Variants in PGLS observed in about 807,000 individuals in gnomAD.
PGLS encodes 6-phosphogluconolactonase, also known as epididymis secretory protein Li 304.
Under a neutral mutation model 23.2 loss-of-function variants are expected in PGLS, and 21 were observed. That is an observed-to-expected ratio of 0.91 (90% CI 0.64 to 1.31). The LOEUF is 1.31. Ranked by LOEUF, PGLS falls within the 50% of genes most tolerant of loss-of-function variation. PGLS has a pLI of 0.00. For missense variants in PGLS, 410 were observed against 354.0 expected (o/e 1.16, Z -1.27); for synonymous variants, 179 against 165.4 (o/e 1.08, Z -0.63).
rs2075531763 is a variant in PGLS at position 17,516,245 on chromosome 19, G to T, written c.361G>T (p.Glu121Ter). The change falls in exon 2 of 5, where the codon GAG becomes TAG. Residue 121 changes from glutamate (E) to a stop codon, truncating the protein, a stop_gained. Coordinates refer to ENST00000252603, the MANE Select transcript of PGLS (RefSeq NM_012088.3). LOFTEE classifies it high-confidence loss of function. ...CATTAACCCCGAGCTGCCTGTGGAG[G>T]AGGCGGCTGAGGACTACGCCAAGAA... ...ITINPELPVEEAAEDYAKKLR... is the reference protein window; with the variant it reads ...ITINPELPVE The T allele has an allele frequency of 6.2e-7, 1 of 1,613,908 alleles. No homozygotes were observed. The highest frequency in any genetic ancestry group is 1.3e-5 in the African/African-American group (1 of 74,934).
Position 17,517,744 on chromosome 19 carries a change from C to A in PGLS, c.533C>A (p.Ser178Tyr). 11 of 1,614,122 alleles carry A rather than the reference C, an allele frequency of 6.8e-6. No homozygotes were observed. Among genetic ancestry groups the A allele is most frequent in the Non-Finnish European group, 9.3e-6 (11 of 1,180,004 alleles). The change falls in exon 4 of 5, where the codon TCC becomes TAC. Residue 178 changes from serine (S) to tyrosine (Y), a missense_variant. Coordinates refer to ENST00000252603, the MANE Select transcript of PGLS (RefSeq NM_012088.3). ...REKIVAPISD[S>Y]PKPPPQRVTL... The stretch of plus-strand genomic sequence containing the variant: ...AAGATTGTGGCTCCCATCAGTGACT[C>A]CCCGAAGCCACCGCCACAGCGTGTG...
chr19:17,518,772 C>G (rs2075544860), intron 4 of PGLS: 1 of 151,990 alleles, frequency 6.6e-6, no homozygotes, highest in African/African-American at 2.4e-5. Flanking sequence ...CTCATGTGAT[C>G]CACCTGCCTT....
In PGLS at chr19:17,521,165, C is replaced by A; in HGVS notation, c.*84C>A. The A allele has an allele frequency of 1.4e-6, 2 of 1,390,772 alleles. No individual in the cohort carries two copies. The highest frequency in any genetic ancestry group is 1.9e-6 in the Non-Finnish European group (2 of 1,048,376). The allele number at this position is 1,390,772 out of a possible 1,614,324, so 86.2% of individuals were successfully genotyped here. ...GCTGGCCGCCACTCTCCGGGCTCTC[C>A]TTTCAAAAAGCCACGTCGTGCTGCT... On this transcript the variant is annotated 3_prime_UTR_variant, in exon 5 of 5. Transcript: ENST00000252603.
In PGLS at chr19:17,511,780, G is replaced by T; in HGVS notation, c.108G>T (p.Gly36=). 1 of 1,497,502 alleles carries T rather than the reference G, an allele frequency of 6.7e-7. No homozygotes were observed. Among genetic ancestry groups the T allele is most frequent in the Non-Finnish European group, 8.8e-7 (1 of 1,130,130 alleles). The allele number at this position is 1,497,502 out of a possible 1,614,324, so 92.8% of individuals were successfully genotyped here. Residue 36 remains glycine (G), a synonymous_variant, in exon 1 of 5, where the codon GGG becomes GGT. Transcript: ENST00000252603. ...VAQRAACCLA[G]ARARFALGLS... is the part of the protein sequence containing the mutation. ...AGCGCGCAGCATGCTGCCTGGCAGG[G>T]GCCCGCGCCCGTTTCGCGCTCGGCC... is the stretch of plus-strand genomic sequence containing the variant.
chr19:17,520,847 A>G, intron 4 of PGLS, 97 bp from the exon 5 acceptor site: 11 of 1,345,320 alleles, frequency 8.2e-6, no homozygotes, highest in Non-Finnish European at 1.1e-5. Context: ...TTGAGGATAC[A>G]AGAGTCTTAT....
chr19:17,518,597 C>T (rs1055222938), intron 4 of PGLS: 1 of 151,982 alleles, frequency 6.6e-6, no homozygotes, highest in Admixed American at 6.6e-5. Flanking sequence ...CTGATGTGAC[C>T]TCAGCTCGCT....
Position 17,521,174 on chromosome 19 carries a change from A to G in PGLS, c.*93A>G. Reference sequence around the variant, plus strand: ...CACTCTCCGGGCTCTCCTTTCAAAAAGCCACGTCGTGCTGCTGCTGGAAGC... The same window carrying G: ...CACTCTCCGGGCTCTCCTTTCAAAAGGCCACGTCGTGCTGCTGCTGGAAGC... On this transcript the variant is annotated 3_prime_UTR_variant, in exon 5 of 5. Coordinates refer to ENST00000252603, the MANE Select transcript of PGLS (RefSeq NM_012088.3). 7.6e-7 allele frequency: 1 copy of G among 1,321,780 alleles called. No homozygotes were observed. Among genetic ancestry groups the G allele is most frequent in the Non-Finnish European group, 1.0e-6 (1 of 988,900 alleles). 81.9% of individuals were successfully genotyped at this position (1,321,780 alleles called of 1,614,324 possible).
intron 1 of PGLS, 196 bp from the exon 2 acceptor site, chr19:17,515,977 C>T: frequency 2.0e-6 from 1 of 498,034 alleles, no homozygotes; most frequent in Non-Finnish European, 3.8e-6. Flanking sequence ...AGGATCCTGG[C>T]TTCCAGCATT....
rs759386585 is a variant in PGLS, at chr19:17,521,046, C to T, written c.742C>T (p.Leu248=). 2.5e-6 allele frequency: 4 copies of T among 1,603,216 alleles called. No homozygotes were observed. Among genetic ancestry groups the T allele is most frequent in the African/African-American group, 1.3e-5 (1 of 74,712 alleles). ...WFLDEAAARL[L]TVPFEKHSTL ...CTTGGACGAGGCGGCCGCCCGCCTC[C>T]TGACCGTGCCCTTCGAGAAGCATTC... Residue 248 remains leucine (L), a synonymous_variant, in exon 5 of 5, where the codon CTG becomes TTG. Coordinates refer to ENST00000252603, the MANE Select transcript of PGLS (RefSeq NM_012088.3).
rs551207217 is a variant in PGLS, at chr19:17,521,156, C to T, written c.*75C>T. ...TGGGCCCCTGCTGGCCGCCACTCTC[C>T]GGGCTCTCCTTTCAAAAAGCCACGT... On this transcript the variant is annotated 3_prime_UTR_variant, in exon 5 of 5. Transcript: ENST00000252603. 33 of 1,408,836 alleles carry T rather than the reference C, an allele frequency of 2.3e-5. No individual in the cohort carries two copies. Among genetic ancestry groups the T allele is most frequent in the African/African-American group, 4.4e-5 (3 of 67,700 alleles). The allele number at this position is 1,408,836 out of a possible 1,614,324, so 87.3% of individuals were successfully genotyped here. A position where few individuals can be genotyped will look rare whatever the true frequency, so the allele number is the denominator to read the frequency against.
At chr19:17,515,322 A>T (rs1009239798) in intron 1 of PGLS, among the ~76,000 whole-genome samples, 16 of 152,064 alleles carry the variant, frequency 1.1e-4, no homozygotes, top group Admixed American at 5.9e-4. Context: ...GGCTCACCTT[A>T]GCATTGCCTC....
rs200294642 is a variant in PGLS, at chr19:17,517,378, C to G, written c.487C>G (p.Pro163Ala). ...CACCTGCTCACTCTTCCCAGACCAC[C>G]CCCTCCTACAGGTGAGCACACCAAT... ...GHTCSLFPDH[P>A]LLQEREKIVA... is the part of the protein sequence containing the mutation. Residue 163 changes from proline (P) to alanine (A), a missense_variant, in exon 3 of 5, where the codon CCC (proline) becomes GCC (alanine). By Grantham distance (27) the Pro-to-Ala change is conservative. Coordinates refer to ENST00000252603, the MANE Select transcript of PGLS (RefSeq NM_012088.3). The G allele has an allele frequency of 6.2e-7, 1 of 1,612,334 alleles. No individual in the cohort carries two copies. Among genetic ancestry groups the G allele is most frequent in the East Asian group, 2.2e-5 (1 of 44,852 alleles).
At chr19:17,516,613 C>T in intron 2 of PGLS, 2 of 826,936 alleles carry the variant, frequency 2.4e-6, no homozygotes, top group South Asian at 3.3e-5. Context: ...GAGACGGAGT[C>T]TCACTCTGTC....
chr19:17,515,258 G>A (rs1177260718), intron 1 of PGLS, among the ~76,000 whole-genome samples: 1 of 152,104 alleles, frequency 6.6e-6, no homozygotes, highest in East Asian at 1.9e-4. Flanking sequence ...TCAGTGTGGA[G>A]CTCATACTCC....
At chr19:17,516,574 C>T in intron 2 of PGLS, 1 of 858,370 alleles carries the variant, frequency 1.2e-6, no homozygotes, top group African/African-American at 1.8e-5. Context: ...GTTACAGCTA[C>T]TTGTATTTCT....
intron 1 of PGLS, chr19:17,512,975 T>C (rs2144640857): frequency 6.6e-6 from 1 of 152,374 alleles, no homozygotes; most frequent in Non-Finnish European, 1.5e-5. Flanking sequence ...AGAGGTGAGC[T>C]TACCTGCCCA....
intron 1 of PGLS, among the ~76,000 whole-genome samples, chr19:17,514,683 A>G (rs2375633): frequency 0.61 from 92,122 of 150,398 alleles, 28,975 homozygotes; most frequent in African/African-American, 0.78. Context: ...TTGGAGTTTC[A>G]CCCTTGTTGC....
Position 17,511,752 on chromosome 19 carries a change from C to G in PGLS, c.80C>G (p.Ala27Gly), listed in dbSNP as rs1045613611. ...GGTGCGGCGCTAGCGCAGCTGGTGG[C>G]CCAGCGCGCAGCATGCTGCCTGGCA... is the stretch of plus-strand genomic sequence containing the variant. Reference protein sequence around the residue: ...ELGAALAQLVAQRAACCLAGA... With the variant: ...ELGAALAQLVGQRAACCLAGA... Residue 27 changes from alanine (A) to glycine (G), a missense_variant, in exon 1 of 5, where the codon GCC becomes GGC. Transcript: ENST00000252603. 6 of 1,500,904 alleles carry G rather than the reference C, an allele frequency of 4.0e-6. No homozygotes were observed. Among genetic ancestry groups the G allele is most frequent in the Non-Finnish European group, 5.3e-6 (6 of 1,132,592 alleles). The allele number at this position is 1,500,904 out of a possible 1,614,324, so 93.0% of individuals were successfully genotyped here.
intron 4 of PGLS, among the ~76,000 whole-genome samples, chr19:17,519,235 A>G (rs1371727670): frequency 6.8e-6 from 1 of 147,488 alleles, no homozygotes; most frequent in Non-Finnish European, 1.5e-5. Context: ...AATCACTTGA[A>G]CCCGGGAGGC....
Sources: allele counts gnomAD v4.1 joint callset (sites outside exome capture counted in the v4.1 genomes callset), GRCh38; gene constraint gnomAD v4.1.1; transcripts MANE v1.5; gene names NCBI Gene and HGNC (gene_info 2026-07-23, HGNC 2026-07-21).